Variants in TRPM8 observed in about 807,000 individuals in gnomAD.
TRPM8 encodes TRPM8 cationic channel.
TRPM8 carries 110 observed loss-of-function variants against 133.7 expected under a neutral mutation model. The observed-to-expected ratio is 0.82, with a 90% CI of 0.70 to 0.96. The LOEUF is 0.96. TRPM8 is among the 40% of genes least tolerant of loss of function. TRPM8 has a pLI of 0.00. For missense variants in TRPM8, 1,291 were observed against 1,379.5 expected (o/e 0.94, Z 1.02); for synonymous variants, 535 against 532.3 (o/e 1.01, Z -0.07).
intron 11 of TRPM8, chr2:233,955,550 T>G (rs1691273673): frequency 4.5e-6 from 1 of 220,448 alleles, no homozygotes; most frequent in Non-Finnish European, 9.0e-6. Flanking sequence ...GATGCAGATC[T>G]CCTTCTGGAT....
intron 8 of TRPM8, 86 bp from the exon 9 acceptor site, chr2:233,949,863 C>T: frequency 7.7e-7 from 1 of 1,293,000 alleles, no homozygotes; most frequent in South Asian, 1.3e-5. Flanking sequence ...CGTGTGTTTC[C>T]TCCAGCTTGG....
intron 1 of TRPM8, among the ~76,000 whole-genome samples, chr2:233,923,025 G>A (rs1479627550): frequency 2.0e-5 from 3 of 151,950 alleles, no homozygotes; most frequent in African/African-American, 7.3e-5. Context: ...CCGCCACCAC[G>A]CCTGGCTAAT....
chr2:233,954,564 T>C (rs1371245029), intron 10 of TRPM8, among the ~76,000 whole-genome samples: 1 of 152,238 alleles, frequency 6.6e-6, no homozygotes, highest in African/African-American at 2.4e-5. Flanking sequence ...TAGACTTGAA[T>C]TGTGTGACTG....
In TRPM8 at chr2:234,014,557, C is replaced by T; in HGVS notation, c.3265-5C>T. ...AGATGAGTTCTATTTTTTTCTCTTT[C>T]CAAGCTTAATGATCTCAAGGGTCTT... On this transcript the variant is annotated splice_region_variant and splice_polypyrimidine_tract_variant and intron_variant, in intron 24 of 25. Coordinates refer to ENST00000324695, the MANE Select transcript of TRPM8 (RefSeq NM_024080.5). The T allele has an allele frequency of 6.5e-7, 1 of 1,532,100 alleles. No individual in the cohort carries two copies. Among genetic ancestry groups the T allele is most frequent in the East Asian group, 2.4e-5 (1 of 41,018 alleles). The allele number at this position is 1,532,100 out of a possible 1,614,324, so 94.9% of individuals were successfully genotyped here. A position where few individuals can be genotyped will look rare whatever the true frequency, so the allele number is the denominator to read the frequency against.
intron 22 of TRPM8, among the ~76,000 whole-genome samples, chr2:234,000,148 T>C (rs1054313522): frequency 4.0e-5 from 6 of 150,322 alleles, no homozygotes; most frequent in African/African-American, 1.5e-4. Flanking sequence ...TCTCTCTGTG[T>C]TGCCCAGGCT....
At chr2:233,927,706 GTCTCTT>G (rs1169754279) in intron 2 of TRPM8, among the ~76,000 whole-genome samples, 1 of 149,516 alleles carries the variant, frequency 6.7e-6, no homozygotes, top group Admixed American at 6.6e-5. Context: ...GACAGAGTCT[GTCTCTT>G]TCTTTCTTTC....
intron 25 of TRPM8, among the ~76,000 whole-genome samples, chr2:234,015,463 A>G (rs1355527487): frequency 6.6e-6 from 1 of 151,926 alleles, no homozygotes; most frequent in African/African-American, 2.4e-5. Context: ...TTTATTGAGT[A>G]CCTGCTCAGT....
intron 17 of TRPM8, among the ~76,000 whole-genome samples, chr2:233,976,453 G>C (rs757280596): frequency 2.0e-4 from 30 of 152,144 alleles, no homozygotes; most frequent in Non-Finnish European, 3.8e-4. Flanking sequence ...AGGACACAGG[G>C]CAGGGACATG....
At chr2:234,010,000 T>G (rs1303491842) in intron 24 of TRPM8, among the ~76,000 whole-genome samples, 1 of 152,150 alleles carries the variant, frequency 6.6e-6, no homozygotes, top group Non-Finnish European at 1.5e-5. Context: ...TTAGATTAAT[T>G]TAAAATCTCT....
chr2:233,959,059 C>G (rs767239233), intron 11 of TRPM8, among the ~76,000 whole-genome samples: 4 of 152,058 alleles, frequency 2.6e-5, no homozygotes, highest in Admixed American at 6.6e-5. Flanking sequence ...GAGTTTTGCT[C>G]TTGTCGTCCA....
rs1306754810 is a variant in TRPM8, at chr2:233,983,288, C to A, written c.2761+64C>A. On this transcript the variant is annotated intron_variant, in intron 20 of 25. Transcript: ENST00000324695. Reference sequence around the variant, plus strand: ...AGGCATTTGCTCCCTGAACCAACCCCCAGGGCTGCCCCGGAGACCGCACTT... The same window carrying A: ...AGGCATTTGCTCCCTGAACCAACCCACAGGGCTGCCCCGGAGACCGCACTT... 6.3e-6 allele frequency: 10 copies of A among 1,595,654 alleles called. No individual in the cohort carries two copies. The East Asian group carries it at 1.3e-4, about 21-fold the overall frequency.
rs765594459 is a variant in TRPM8, at chr2:233,981,872, T to G, written c.2546T>G (p.Val849Gly). 2.0e-5 allele frequency: 32 copies of G among 1,613,732 alleles called. No homozygotes were observed. In the South Asian group the frequency reaches 3.5e-4, roughly 18 times the overall value. Reference sequence around the variant, plus strand: ...CTAAGATTGATCCACATTTTTACTGTAAGCAGAAACTTAGGACCCAAGATT... The same window carrying G: ...CTAAGATTGATCCACATTTTTACTGGAAGCAGAAACTTAGGACCCAAGATT... ...FTLRLIHIFT[V>G]SRNLGPKIIM... Residue 849 changes from valine (V) to glycine (G), a missense_variant, in exon 19 of 26, where the codon GTA becomes GGA. Val to Gly is a moderately radical substitution (Grantham distance 109, BLOSUM62 -3). Transcript: ENST00000324695.
intron 21 of TRPM8, among the ~76,000 whole-genome samples, chr2:233,986,716 G>A (rs1047979992): frequency 1.3e-5 from 2 of 152,128 alleles, no homozygotes; most frequent in Admixed American, 1.3e-4. Flanking sequence ...TAGGGAAAAT[G>A]TTTGCAATGC....
chr2:234,003,407 G>A (rs1692617853), intron 22 of TRPM8, among the ~76,000 whole-genome samples: 1 of 152,186 alleles, frequency 6.6e-6, no homozygotes, highest in African/African-American at 2.4e-5. Context: ...TGCCTTGAAA[G>A]ACAAAGTGAG....
chr2:234,005,927 T>TACACACACACACACACACACAC (rs35379195), intron 22 of TRPM8, among the ~76,000 whole-genome samples: 3 of 136,080 alleles, frequency 2.2e-5, no homozygotes, highest in South Asian at 2.5e-4. Flanking sequence ...AAACGTCATC[T>TACACACACACACACACACACAC]ACACACACAC....
chr2:233,980,764 C>T (rs1004614907), intron 18 of TRPM8, among the ~76,000 whole-genome samples: 1 of 152,192 alleles, frequency 6.6e-6, no homozygotes, highest in Non-Finnish European at 1.5e-5. Context: ...ATGGCACAGC[C>T]AGAGTGTGGG....
In TRPM8 at chr2:233,960,822, G is replaced by A; in HGVS notation, c.1409G>A (p.Arg470Lys). 1.9e-6 allele frequency: 3 copies of A among 1,614,080 alleles called. No homozygotes were observed. The highest frequency in any genetic ancestry group is 2.5e-6 in the Non-Finnish European group (3 of 1,179,986). ...ATGTTTACGGCTCTCATAAAGGACA[G>A]ACCCAAGTTTGTCCGCCTCTTTCTG... ...EVMFTALIKD[R>K]PKFVRLFLEN... The change falls in exon 12 of 26, where the codon AGA (arginine) becomes AAA (lysine). Residue 470 changes from arginine (R) to lysine (K), a missense_variant. Around this residue, in one of 2 missense-constraint regions of TRPM8, gnomAD observed 963 missense variants for 968.9 expected, o/e 0.99. Transcript: ENST00000324695.
At position 233,954,007 on chromosome 2, in the gene TRPM8, G is replaced by A. The variant is rs749070526; in HGVS notation, c.1231G>A (p.Ala411Thr). The A allele has an allele frequency of 1.6e-5, 26 of 1,612,666 alleles. No individual in the cohort carries two copies. The highest frequency in any genetic ancestry group is 1.1e-4 in the African/African-American group (8 of 74,898). The part of the protein sequence containing the change: ...DEIVSNAISY[A>T]LYKAFSTSEQ... ...AATTGTGAGCAATGCCATCTCCTACGCTCTATACAAAGGTGAGTAAAAATA... is the reference window on the plus strand; with the variant it reads ...AATTGTGAGCAATGCCATCTCCTACACTCTATACAAAGGTGAGTAAAAATA... The change falls in exon 10 of 26, where the codon GCT (alanine) becomes ACT (threonine). Residue 411 changes from alanine to threonine, a missense_variant. Ala to Thr is a moderately conservative substitution (Grantham distance 58). Transcript: ENST00000324695.
chr2:233,919,901 C>CT (rs1349492868), intron 1 of TRPM8, among the ~76,000 whole-genome samples: 10 of 152,132 alleles, frequency 6.6e-5, no homozygotes, highest in African/African-American at 1.2e-4. Flanking sequence ...AATCAGTTAC[C>CT]TGCATGTGTT....
Sources: gnomAD v4.1 joint callset for allele counts (sites outside exome capture counted in the v4.1 genomes callset) on GRCh38, gnomAD v4.1.1 for gene constraint, gnomAD v4.1.1 regional missense constraint, MANE v1.5 for transcripts, NCBI Gene and HGNC (gene_info 2026-07-23, HGNC 2026-07-21) for gene names.